SLCO2B1: variants seen among roughly 807,000 people sequenced by gnomAD.
SLCO2B1 encodes the protein solute carrier organic anion transporter family member 2B1.
A neutral mutation model predicts 67.3 loss-of-function variants in SLCO2B1; 41 were observed. The ratio of observed to expected loss-of-function variants is 0.61; its 90% CI spans 0.47 to 0.79. The LOEUF (loss-of-function observed/expected upper bound fraction) is 0.79, where lower values mean the gene tolerates loss of function less well. Among genes scored for constraint, SLCO2B1 ranks in the 30% least tolerant of loss-of-function variants. The pLI, the probability that SLCO2B1 is intolerant of heterozygous loss-of-function variation, is 0.00. For synonymous variants in SLCO2B1, 379 were observed against 381.4 expected, an observed-to-expected ratio of 0.99 and a Z score of 0.07; for missense variants, 837 against 920.1, an observed-to-expected ratio of 0.91 and a Z score of 1.17.
In SLCO2B1 at chr11:75,179,218, A is replaced by ATTTTTTTTTTTTTT. The variant is rs373993870; in HGVS notation, c.972+6663_972+6676dup. Among the ~76,000 whole-genome samples, 14 of 66,684 alleles carry ATTTTTTTTTTTTTT rather than the reference A, an allele frequency of 2.1e-4. 3 individuals are homozygous for ATTTTTTTTTTTTTT. The highest frequency in any genetic ancestry group is 8.6e-4 in the African/African-American group (14 of 16,262). 43.7% of individuals were successfully genotyped at this position (66,684 alleles called of 152,430 possible). On this transcript the variant is annotated intron_variant, in intron 7 of 13. Coordinates refer to ENST00000289575, the MANE Select transcript of SLCO2B1 (RefSeq NM_007256.5). ...TGGGTATGTTTATTGGATACATGAGATTTTTTTTTTTTTTTTTTTTTTTTT... is the reference window on the plus strand; with the variant it reads ...TGGGTATGTTTATTGGATACATGAGATTTTTTTTTTTTTTTTTTTTTTTTTTTTTTTTTTTTTTT...
chr11:75,176,478 T>C (rs965446572), intron 7 of SLCO2B1, among the ~76,000 whole-genome samples: 22 of 152,216 alleles, frequency 1.4e-4, no homozygotes, highest in Non-Finnish European at 2.4e-4. Context: ...TTATATGGTT[T>C]TAAAGTCTGT....
At position 75,204,224 on chromosome 11, in the gene SLCO2B1, C is replaced by T. The variant is rs1945234018; in HGVS notation, c.1950-176C>T. On this transcript the variant is annotated intron_variant, in intron 13 of 13. Coordinates refer to ENST00000289575, the MANE Select transcript of SLCO2B1 (RefSeq NM_007256.5). Reference sequence around the variant, plus strand: ...GGCGATGAAGATGGCCAGGCCTCTGCTCCCACCCAGGGCTCCTCTGCAGAG... The same window carrying T: ...GGCGATGAAGATGGCCAGGCCTCTGTTCCCACCCAGGGCTCCTCTGCAGAG... The T allele has an allele frequency of 5.0e-6, 3 of 599,760 alleles. No homozygotes were observed. The South Asian group carries it at 8.0e-5, about 16-fold the overall frequency. The allele number at this position is 599,760 out of a possible 1,614,324, so 37.2% of individuals were successfully genotyped here. A position where few individuals can be genotyped will look rare whatever the true frequency, so the allele number is the denominator to read the frequency against.
intron 9 of SLCO2B1, among the ~76,000 whole-genome samples, chr11:75,195,129 A>C (rs1161446694): frequency 1.3e-5 from 2 of 152,216 alleles, no homozygotes; most frequent in Admixed American, 6.5e-5. Flanking sequence ...AGAGAGGTGA[A>C]GTCACCCCAC....
intron 4 of SLCO2B1, among the ~76,000 whole-genome samples, chr11:75,167,438 A>G (rs1949906637): frequency 6.6e-6 from 1 of 152,180 alleles, no homozygotes; most frequent in Admixed American, 6.5e-5. Context: ...TGAATCCTCA[A>G]GCAAAGCCCT....
At chr11:75,159,407 C>A (rs546565000) in intron 1 of SLCO2B1, among the ~76,000 whole-genome samples, 2 of 152,330 alleles carry the variant, frequency 1.3e-5, no homozygotes, top group South Asian at 4.1e-4. Context: ...CGCAGGCAAC[C>A]GCCTGCCCAG....
At chr11:75,157,448 G>T (rs1404390850) in intron 1 of SLCO2B1, among the ~76,000 whole-genome samples, 1 of 152,118 alleles carries the variant, frequency 6.6e-6, no homozygotes, top group East Asian at 1.9e-4. Flanking sequence ...ATGGTAGCTG[G>T]GGGCTTCAAG....
Position 75,200,336 on chromosome 11 carries a change from G to A in SLCO2B1, c.1712G>A (p.Gly571Asp). The change falls in exon 11 of 14, where the codon GGC becomes GAC. Residue 571 changes from glycine to aspartate, a missense_variant. Gly to Asp is a moderately conservative substitution (Grantham distance 94). Transcript: ENST00000289575. Reference protein sequence around the residue: ...VVPFLLLVSLGSALACLTHTP... With the variant: ...VVPFLLLVSLDSALACLTHTP... The stretch of plus-strand genomic sequence containing the variant: ...CCCTTCCTGCTCCTGGTCAGCCTGG[G>A]CTCGGCCCTGGCCTGTCTCACCCAC... 1 of 1,613,356 alleles carries A rather than the reference G, an allele frequency of 6.2e-7. No homozygotes were observed. Among genetic ancestry groups the A allele is most frequent in the Non-Finnish European group, 8.5e-7 (1 of 1,179,846 alleles).
intron 3 of SLCO2B1, among the ~76,000 whole-genome samples, 171 bp downstream of exon 3, chr11:75,164,271 A>AGGACTT (rs565228649): frequency 5.3e-5 from 8 of 152,130 alleles, no homozygotes; most frequent in Non-Finnish European, 1.2e-4. Flanking sequence ...GCTGTCTTCT[A>AGGACTT]GGACTTGGAC....
At position 75,162,798 on chromosome 11, in the gene SLCO2B1, G is replaced by A. The variant is rs1331043090; in HGVS notation, c.147+13G>A. On this transcript the variant is annotated intron_variant, in intron 2 of 13. Transcript: ENST00000289575. ...CCATAACATCAAGGTACCTCTCAGG[G>A]CCTGGCAGGGGCCTCCGAGTCTAGA... 1.2e-6 allele frequency: 2 copies of A among 1,610,912 alleles called. No individual in the cohort carries two copies. The highest frequency in any genetic ancestry group is 2.2e-5 in the East Asian group (1 of 44,814).
chr11:75,156,654 G>C (rs4397881), intron 1 of SLCO2B1, among the ~76,000 whole-genome samples: 33,862 of 152,126 alleles, frequency 0.22, 4,214 homozygotes, highest in Admixed American at 0.37. Flanking sequence ...AATTCAGTGT[G>C]AGTCTGTAAA....
intron 4 of SLCO2B1, among the ~76,000 whole-genome samples, chr11:75,166,151 G>C (rs1413659307): frequency 3.3e-5 from 5 of 152,194 alleles, no homozygotes; most frequent in Non-Finnish European, 5.9e-5. Context: ...GCGGTAGGAA[G>C]TAGGCCCTGC....
chr11:75,175,112 T>C (rs1053413567), intron 7 of SLCO2B1, among the ~76,000 whole-genome samples: 2 of 152,158 alleles, frequency 1.3e-5, no homozygotes, highest in Non-Finnish European at 2.9e-5. Flanking sequence ...ATTCATTCTG[T>C]CAGCACACTG....
rs1945238370 is a variant in SLCO2B1 at position 75,204,390 on chromosome 11, C to T, written c.1950-10C>T. The stretch of plus-strand genomic sequence containing the variant: ...GCTCTTGAGTTCAAGGGTCCCCATT[C>T]TTTCCCCAGGTTCATCGGCCTCCAG... On this transcript the variant is annotated splice_polypyrimidine_tract_variant and intron_variant, in intron 13 of 13. Coordinates refer to ENST00000289575, the MANE Select transcript of SLCO2B1 (RefSeq NM_007256.5). 6.3e-7 allele frequency: 1 copy of T among 1,593,268 alleles called. No homozygotes were observed. The highest frequency in any genetic ancestry group is 1.8e-5 in the Admixed American group (1 of 57,074).
At chr11:75,178,859 C>A (rs932531553) in intron 7 of SLCO2B1, among the ~76,000 whole-genome samples, 2 of 152,214 alleles carry the variant, frequency 1.3e-5, no homozygotes, top group East Asian at 3.8e-4. Context: ...AAGGTGAGAA[C>A]ATGCAGTATT....
At position 75,196,676 on chromosome 11, in the gene SLCO2B1, C is replaced by A. The variant is rs61555831; in HGVS notation, c.1596C>A (p.Ser532Arg). The change falls in exon 10 of 14, where the codon AGC becomes AGA. Residue 532 changes from serine to arginine, a missense_variant. Transcript: ENST00000289575. ...TGGTCCAGGATGCTCTGGACAACAG[C>A]CAGGTGAGTCAGGCCTCTCGTGGCA... ...SWVVQDALDNSQVFYTNCSCV... is the reference protein window; with the variant it reads ...SWVVQDALDNRQVFYTNCSCV... 2 of 1,612,508 alleles carry A rather than the reference C, an allele frequency of 1.2e-6. No homozygotes were observed. Among genetic ancestry groups the A allele is most frequent in the Non-Finnish European group, 1.7e-6 (2 of 1,179,358 alleles).
At chr11:75,191,170 C>T (rs1266472871) in intron 8 of SLCO2B1, among the ~76,000 whole-genome samples, 2 of 151,996 alleles carry the variant, frequency 1.3e-5, no homozygotes, top group Non-Finnish European at 2.9e-5. Context: ...GAGGATGGAC[C>T]TTGTACTAGG....
Position 75,203,359 on chromosome 11 carries a change from G to C in SLCO2B1, c.1881G>C (p.Val627=), listed in dbSNP as rs1395426576. The C allele has an allele frequency of 6.2e-7, 1 of 1,614,166 alleles. No homozygotes were observed. The highest frequency in any genetic ancestry group is 8.5e-7 in the Non-Finnish European group (1 of 1,180,026). ...GCAGCGCCATCGACACCACCTGTGT[G>C]CACTGGGCCCTGAGCTGTGGGCGTC... ...IHGSAIDTTC[V]HWALSCGRRA... is the part of the protein sequence containing the mutation. Residue 627 remains valine, a synonymous_variant, in exon 13 of 14, where the codon GTG becomes GTC. Coordinates refer to ENST00000289575, the MANE Select transcript of SLCO2B1 (RefSeq NM_007256.5).
At chr11:75,185,132 A>C (rs954979790) in intron 7 of SLCO2B1, among the ~76,000 whole-genome samples, 1 of 152,226 alleles carries the variant, frequency 6.6e-6, no homozygotes. Context: ...TCAGGAAGCC[A>C]GGTTGGGGAG....
chr11:75,159,465 C>T (rs1275924340), intron 1 of SLCO2B1, among the ~76,000 whole-genome samples: 3 of 152,220 alleles, frequency 2.0e-5, no homozygotes, highest in Non-Finnish European at 4.4e-5. Context: ...AGGGGTGGCC[C>T]CTGACAAAGG....
Sources: gnomAD v4.1 joint callset for allele counts (sites outside exome capture counted in the v4.1 genomes callset) on GRCh38, gnomAD v4.1.1 for gene constraint, MANE v1.5 for transcripts, NCBI Gene and HGNC (gene_info 2026-07-23, HGNC 2026-07-21) for gene names.